The following LRRC28 variants were observed in gnomAD, a reference collection of about 807,000 sequenced individuals.
The protein encoded by LRRC28 is leucine-rich repeat-containing protein 28.
A neutral mutation model predicts 45.7 loss-of-function variants in LRRC28; 39 were observed. That is an observed-to-expected ratio of 0.85 (90% CI 0.66 to 1.12). The LOEUF is 1.12. Among genes scored for constraint, LRRC28 ranks in the 50% most tolerant of loss-of-function variants. The probability of loss-of-function intolerance (pLI) is 0.00; values close to 1 mark genes in which losing one functional copy is unlikely to be tolerated. For synonymous variants in LRRC28, 206 were observed against 178.8 expected, an observed-to-expected ratio of 1.15 and a Z score of -1.22; for missense variants, 435 against 438.5, an observed-to-expected ratio of 0.99 and a Z score of 0.07.
chr15:99,270,086 G>A lies in LRRC28; in HGVS notation c.169-6490G>A, dbSNP rs1276194746. On this transcript the variant is annotated intron_variant, in intron 2 of 9. Coordinates refer to ENST00000301981, the MANE Select transcript of LRRC28 (RefSeq NM_144598.5). The stretch of plus-strand genomic sequence containing the variant: ...ACAAGTTGAAAAGAGGTCTACCACA[G>A]TTTTAAAAAATCTGGACACGTGGTA... Among the ~76,000 whole-genome samples, 4 of 152,182 alleles carry A rather than the reference G, an allele frequency of 2.6e-5. No homozygotes were observed. The East Asian group carries it at 5.8e-4, about 22-fold the overall frequency.
chr15:99,346,345 T>A (rs974580021), intron 6 of LRRC28, among the ~76,000 whole-genome samples: 3 of 152,226 alleles, frequency 2.0e-5, no homozygotes, highest in Admixed American at 6.5e-5. Flanking sequence ...CCCAGCTAAT[T>A]GTTTTGTAGA....
intron 2 of LRRC28, chr15:99,257,652 G>A (rs2081063330): frequency 1.4e-6 from 1 of 725,986 alleles, no homozygotes; most frequent in African/African-American, 1.7e-5. Flanking sequence ...TGGGTGCTGG[G>A]GCCTCTGCTG....
intron 9 of LRRC28, among the ~76,000 whole-genome samples, chr15:99,368,481 A>G (rs1957398312): frequency 6.6e-6 from 1 of 152,224 alleles, no homozygotes; most frequent in African/African-American, 2.4e-5. Flanking sequence ...CTCTGGGCCC[A>G]GTGGGGTGGC....
chr15:99,255,974 G>T lies in LRRC28; in HGVS notation c.17G>T (p.Cys6Phe). The change falls in exon 2 of 10, where the codon TGT (cysteine) becomes TTT (phenylalanine). Residue 6 changes from cysteine (C) to phenylalanine (F), a missense_variant. Transcript: ENST00000301981. ...TATTCAGTCATGGCGTCCGAACTTT[G>T]TAAGACGATCTCTGTGGCAAGGCTA... The part of the protein sequence containing the change: MASEL[C>F]KTISVARLEK... The T allele has an allele frequency of 6.2e-7, 1 of 1,612,392 alleles. No homozygotes were observed. Among genetic ancestry groups the T allele is most frequent in the Non-Finnish European group, 8.5e-7 (1 of 1,179,906 alleles).
intron 6 of LRRC28, among the ~76,000 whole-genome samples, chr15:99,347,800 A>C (rs1956743004): frequency 6.6e-6 from 1 of 152,124 alleles, no homozygotes; most frequent in Non-Finnish European, 1.5e-5. Context: ...TACCCAGGAG[A>C]GGGATTGCTG....
intron 7 of LRRC28, chr15:99,361,080 GT>G: frequency 3.0e-6 from 1 of 331,152 alleles, no homozygotes. Context: ...AAGAAGGAAA[GT>G]TCCTTTAAAG....
In LRRC28 at chr15:99,388,692, T is replaced by C. The variant is rs1355013264; in HGVS notation, c.*2590T>C. ...TTGCAGAAAAGCAAATCTGAAGTTA[T>C]TATATATGTTGTTTTCTTGAGCAAC... On this transcript the variant is annotated 3_prime_UTR_variant, in exon 10 of 10. Transcript: ENST00000301981. 1 of 152,246 alleles carries C rather than the reference T, an allele frequency of 6.6e-6. No homozygotes were observed. Among genetic ancestry groups the C allele is most frequent in the African/African-American group, 2.4e-5 (1 of 41,470 alleles). 9.4% of individuals were successfully genotyped at this position (152,246 alleles called of 1,614,324 possible).
At position 99,334,099 on chromosome 15, in the gene LRRC28, G is replaced by A. The variant is rs753071547; in HGVS notation, c.562G>A (p.Ala188Thr). The A allele has an allele frequency of 5.0e-6, 8 of 1,613,966 alleles. No individual in the cohort carries two copies. Among genetic ancestry groups the A allele is most frequent in the Non-Finnish European group, 6.8e-6 (8 of 1,179,982 alleles). Residue 188 changes from alanine to threonine, a missense_variant, in exon 6 of 10, where the codon GCT becomes ACT. Transcript: ENST00000301981. ...GCCCAGCCTCAATGAGCTCTCCATG[G>A]CTGGAAACCGTCTTGCATTTTTGCC... ...QLPSLNELSM[A>T]GNRLAFLPLD...
intron 3 of LRRC28, among the ~76,000 whole-genome samples, chr15:99,283,615 C>A (rs1207528803): frequency 0.01 from 912 of 89,340 alleles, no homozygotes; most frequent in South Asian, 0.015. Context: ...GACTCCTTCT[C>A]AAAAAAAAAA....
chr15:99,262,292 T>C (rs1319355533), intron 2 of LRRC28, among the ~76,000 whole-genome samples: 2 of 152,022 alleles, frequency 1.3e-5, no homozygotes, highest in Non-Finnish European at 2.9e-5. Flanking sequence ...TAATTCAGAA[T>C]ACTTTTAGGC....
At position 99,274,569 on chromosome 15, in the gene LRRC28, A is replaced by T. The variant is rs2081566861; in HGVS notation, c.169-2007A>T. Among the ~76,000 whole-genome samples the T allele has an allele frequency of 2.6e-5, 4 of 152,226 alleles. No individual in the cohort carries two copies. The South Asian group carries it at 8.3e-4, about 32-fold the overall frequency. On this transcript the variant is annotated intron_variant, in intron 2 of 9. Transcript: ENST00000301981. ...TAACAGCTTATGCTGCACACAGCAG[A>T]TCTTAAAATTCAATTTTAATTTTTT...
intron 7 of LRRC28, chr15:99,355,822 T>C (rs1361842247): frequency 6.6e-6 from 1 of 152,184 alleles, no homozygotes; most frequent in African/African-American, 2.4e-5. Flanking sequence ...CCAAATTGGT[T>C]AAATACTATT....
In LRRC28 at chr15:99,262,475, G is replaced by A. The variant is rs1157716648; in HGVS notation, c.168+6350G>A. On this transcript the variant is annotated intron_variant, in intron 2 of 9. Coordinates refer to ENST00000301981, the MANE Select transcript of LRRC28 (RefSeq NM_144598.5). ...TGCGCGTCTGTAGTCCCAGCTACTCGGGAGGCTGAGGCAGGAGAATCACTT... is the reference window on the plus strand; with the variant it reads ...TGCGCGTCTGTAGTCCCAGCTACTCAGGAGGCTGAGGCAGGAGAATCACTT... 4.6e-5 allele frequency among the ~76,000 whole-genome samples: 7 copies of A among 152,214 alleles called. No homozygotes were observed. The South Asian group carries it at 1.0e-3, about 23-fold the overall frequency.
intron 7 of LRRC28, 143 bp downstream of exon 7, chr15:99,352,614 G>A: frequency 1.7e-6 from 1 of 583,808 alleles, no homozygotes; most frequent in Middle Eastern, 3.3e-4. Flanking sequence ...TTGGAATATT[G>A]CACATTGGGT....
rs1956238138 is a variant in LRRC28, at chr15:99,333,998, A to T, written c.461A>T (p.His154Leu). Residue 154 changes from histidine (H) to leucine (L), a missense_variant, in exon 6 of 10, where the codon CAC (histidine) becomes CTC (leucine). Coordinates refer to ENST00000301981, the MANE Select transcript of LRRC28 (RefSeq NM_144598.5). The stretch of plus-strand genomic sequence containing the variant: ...TTGCTAACTTTACCCGAGAGGCTTC[A>T]CATGTGCCTTTCTCTGCAGTACCTC... ...NRLLTLPERL[H>L]MCLSLQYLTV... is the part of the protein sequence containing the mutation. The T allele has an allele frequency of 2.5e-6, 4 of 1,614,140 alleles. No homozygotes were observed. The highest frequency in any genetic ancestry group is 3.4e-6 in the Non-Finnish European group (4 of 1,180,008).
chr15:99,384,020 C>T (rs115614009), intron 9 of LRRC28, among the ~76,000 whole-genome samples: 284 of 152,304 alleles, frequency 1.9e-3, no homozygotes, highest in African/African-American at 5.7e-3. Flanking sequence ...CGTTTCCATG[C>T]GTGCCCTCCA....
chr15:99,292,409 C>T (rs1420534095), intron 5 of LRRC28, among the ~76,000 whole-genome samples: 1 of 145,310 alleles, frequency 6.9e-6, no homozygotes, highest in Non-Finnish European at 1.5e-5. Flanking sequence ...CCAGGCCGGA[C>T]TGCGGACTGC....
At chr15:99,343,341 C>G (rs946080150) in intron 6 of LRRC28, among the ~76,000 whole-genome samples, 1 of 152,206 alleles carries the variant, frequency 6.6e-6, no homozygotes, top group Non-Finnish European at 1.5e-5. Context: ...TCCATGCTTG[C>G]TTTTACAGTA....
At chr15:99,322,775 T>A (rs1308726082) in intron 5 of LRRC28, among the ~76,000 whole-genome samples, 4 of 152,148 alleles carry the variant, frequency 2.6e-5, no homozygotes, top group Non-Finnish European at 5.9e-5. Context: ...GGCACAGAGC[T>A]AAGGCATGTT....
Sources: allele counts gnomAD v4.1 joint callset (sites outside exome capture counted in the v4.1 genomes callset), GRCh38; gene constraint gnomAD v4.1.1; transcripts MANE v1.5; gene names NCBI Gene and HGNC (gene_info 2026-07-23, HGNC 2026-07-21).